Variants in BLTP3B observed in about 807,000 individuals in gnomAD.
The protein encoded by BLTP3B is UHRF1 (ICBP90) binding protein 1-like.
chr12:100,040,520 A>G, the BLTP3B span, among the ~76,000 whole-genome samples: 44 of 152,160 alleles, frequency 2.9e-4, 1 homozygote, highest in Non-Finnish European at 5.7e-4. Context: ...ATCTCTACTA[A>G]AGATACAAAA....
the BLTP3B span, chr12:100,069,911 C>G: frequency 9.6e-7 from 1 of 1,045,066 alleles, no homozygotes; most frequent in Non-Finnish European, 1.2e-6. Context: ...TTAAAAATTA[C>G]TTGTTCAATG....
At chr12:100,039,387 GAGAT>G in the BLTP3B span, among the ~76,000 whole-genome samples, 1 of 152,058 alleles carries the variant, frequency 6.6e-6, no homozygotes, top group Non-Finnish European at 1.5e-5. Context: ...CAAAAATACT[GAGAT>G]AGCACTGGAG....
At chr12:100,055,326 T>C in the BLTP3B span, among the ~76,000 whole-genome samples, 3 of 152,114 alleles carry the variant, frequency 2.0e-5, no homozygotes, top group Non-Finnish European at 4.4e-5. Context: ...TATTTGAAGA[T>C]TAAATACATG....
chr12:100,045,077 C>T, the BLTP3B span, among the ~76,000 whole-genome samples: 1 of 152,128 alleles, frequency 6.6e-6, no homozygotes, highest in African/African-American at 2.4e-5. Context: ...GAACTACAAA[C>T]CACTGCTCAA....
chr12:100,044,192 T>C, the BLTP3B span, among the ~76,000 whole-genome samples: 1 of 152,178 alleles, frequency 6.6e-6, no homozygotes, highest in African/African-American at 2.4e-5. Flanking sequence ...AGCTATCCTC[T>C]TCACCTGAGC....
chr12:100,074,038 A>G, the BLTP3B span, among the ~76,000 whole-genome samples: 1 of 152,180 alleles, frequency 6.6e-6, no homozygotes, highest in Non-Finnish European at 1.5e-5. Context: ...GGCAAGAGAA[A>G]GAAAGAAAGG....
the BLTP3B span, among the ~76,000 whole-genome samples, chr12:100,063,949 T>C: frequency 2.0e-5 from 3 of 152,080 alleles, no homozygotes; most frequent in Non-Finnish European, 4.4e-5. Context: ...ATCCCTGATT[T>C]ACTTGAAAAA....
the BLTP3B span, among the ~76,000 whole-genome samples, chr12:100,134,953 A>G: frequency 3.6e-3 from 550 of 152,272 alleles, 5 homozygotes; most frequent in African/African-American, 0.013. Context: ...AATAGTTAAC[A>G]TCTCTTAATT....
chr12:100,065,559 C>A, the BLTP3B span, among the ~76,000 whole-genome samples: 9 of 152,216 alleles, frequency 5.9e-5, 1 homozygote, highest in Middle Eastern at 0.017. Flanking sequence ...CTGTCTTATG[C>A]GGTTGAGATA....
the BLTP3B span, among the ~76,000 whole-genome samples, chr12:100,052,601 A>G: frequency 3.9e-5 from 6 of 152,252 alleles, no homozygotes; most frequent in Middle Eastern, 3.4e-3. Flanking sequence ...GAAATAAACT[A>G]TGATCCATCT....
At chr12:100,056,081 T>G in the BLTP3B span, among the ~76,000 whole-genome samples, 2 of 152,244 alleles carry the variant, frequency 1.3e-5, no homozygotes, top group Non-Finnish European at 2.9e-5. Context: ...GTAAACTATT[T>G]AAGCACCTGC....
chr12:100,126,901 T>C, the BLTP3B span, among the ~76,000 whole-genome samples: 1 of 152,144 alleles, frequency 6.6e-6, no homozygotes, highest in Non-Finnish European at 1.5e-5. Context: ...AGTTCAATAG[T>C]TATTTCAATA....
chr12:100,091,029 C>CTTTTT, the BLTP3B span, among the ~76,000 whole-genome samples: 1 of 139,816 alleles, frequency 7.2e-6, no homozygotes, highest in Admixed American at 7.3e-5. Flanking sequence ...ATGAATAATC[C>CTTTTT]TTTTTTTTTT....
the BLTP3B span, among the ~76,000 whole-genome samples, chr12:100,118,028 A>C: frequency 6.6e-6 from 1 of 152,162 alleles, no homozygotes; most frequent in Non-Finnish European, 1.5e-5. Context: ...TTTATAGAGC[A>C]ACCAAAGATA....
At chr12:100,052,123 G>C in the BLTP3B span, among the ~76,000 whole-genome samples, 4 of 151,026 alleles carry the variant, frequency 2.6e-5, no homozygotes, top group Non-Finnish European at 4.4e-5. Context: ...GGAGTGTAGT[G>C]GTGCGATCTT....
chr12:100,089,334 G>A, the BLTP3B span, among the ~76,000 whole-genome samples: 2 of 152,130 alleles, frequency 1.3e-5, no homozygotes, highest in Non-Finnish European at 2.9e-5. Flanking sequence ...CGAGGCAGGC[G>A]AATCATCTGA....
the BLTP3B span, among the ~76,000 whole-genome samples, chr12:100,108,139 A>G: frequency 2.6e-5 from 4 of 152,222 alleles, no homozygotes; most frequent in African/African-American, 4.8e-5. Context: ...TTATTAACAA[A>G]TTAATAATTT....
chr12:100,127,388 T>C, the BLTP3B span, among the ~76,000 whole-genome samples: 3 of 152,234 alleles, frequency 2.0e-5, no homozygotes, highest in Non-Finnish European at 4.4e-5. Flanking sequence ...GCCTATACAA[T>C]TGCTTTAGCA....
the BLTP3B span, among the ~76,000 whole-genome samples, chr12:100,127,689 G>A: frequency 6.6e-6 from 1 of 152,160 alleles, no homozygotes; most frequent in East Asian, 1.9e-4. Context: ...GAGGGTAGAA[G>A]AGAATGCTGT....
Sources: gnomAD v4.1 joint callset for allele counts (sites outside exome capture counted in the v4.1 genomes callset) on GRCh38, gnomAD v4.1.1 for gene constraint, MANE v1.5 for transcripts, NCBI Gene and HGNC (gene_info 2026-07-23, HGNC 2026-07-21) for gene names.